The following SLC16A12 variants were observed in gnomAD, a reference collection of about 807,000 sequenced individuals.
The protein encoded by SLC16A12 is monocarboxylate transporter 12.
A neutral mutation model predicts 42.4 loss-of-function variants in SLC16A12; 17 were observed. That is an observed-to-expected ratio of 0.40 (90% CI 0.27 to 0.60). The LOEUF is 0.60. SLC16A12 is among the 20% of genes least tolerant of loss of function. The probability of loss-of-function intolerance (pLI) is 0.42; values close to 1 mark genes in which losing one functional copy is unlikely to be tolerated. For synonymous variants in SLC16A12, 224 were observed against 229.4 expected, an observed-to-expected ratio of 0.98 and a Z score of 0.21; for missense variants, 544 against 623.0, an observed-to-expected ratio of 0.87 and a Z score of 1.35.
chr10:89,488,212 A>G (rs921134491), intron 2 of SLC16A12, among the ~76,000 whole-genome samples: 1 of 152,042 alleles, frequency 6.6e-6, no homozygotes, highest in Non-Finnish European at 1.5e-5. Flanking sequence ...AAACCTGCAC[A>G]TGTATTCCCT....
chr10:89,483,761 A>AAG (rs1842706363), intron 2 of SLC16A12, among the ~76,000 whole-genome samples: 1 of 151,664 alleles, frequency 6.6e-6, no homozygotes, highest in African/African-American at 2.4e-5. Context: ...AAACAAAAAA[A>AAG]AAAAAACGGA....
At chr10:89,487,964 G>GTATATATATATA (rs147234370) in intron 2 of SLC16A12, among the ~76,000 whole-genome samples, 21 of 126,696 alleles carry the variant, frequency 1.7e-4, no homozygotes, top group East Asian at 5.2e-4. Flanking sequence ...TGGTGTGTGT[G>GTATATATATATA]TATATATATA....
chr10:89,482,924 C>T (rs1366771337), intron 2 of SLC16A12, among the ~76,000 whole-genome samples: 3 of 152,160 alleles, frequency 2.0e-5, no homozygotes, highest in South Asian at 2.1e-4. Context: ...GTTGCTTAGC[C>T]GGGCTCCAGG....
At position 89,454,097 on chromosome 10, in the gene SLC16A12, C is replaced by T. The variant is rs531999456; in HGVS notation, c.200+8282G>A. ...TGTGTGTGCAGTGGTGTGATCACTGCAGCCTTGACCTCCCGGGCTCAAGCG... is the reference window on the plus strand; with the variant it reads ...TGTGTGTGCAGTGGTGTGATCACTGTAGCCTTGACCTCCCGGGCTCAAGCG... On this transcript the variant is annotated intron_variant, in intron 3 of 7. Coordinates refer to ENST00000371790, the MANE Select transcript of SLC16A12 (RefSeq NM_213606.4). Among the ~76,000 whole-genome samples the T allele has an allele frequency of 4.0e-4, 61 of 152,166 alleles. No homozygotes were observed. The South Asian group carries it at 0.012, about 31-fold the overall frequency.
chr10:89,449,018 GA>G (rs1361280003), intron 3 of SLC16A12, among the ~76,000 whole-genome samples: 1 of 152,140 alleles, frequency 6.6e-6, no homozygotes, highest in African/African-American at 2.4e-5. Flanking sequence ...TTGCTACAGA[GA>G]GAATAAAATA....
chr10:89,440,674 A>G (rs1322881785), intron 5 of SLC16A12, among the ~76,000 whole-genome samples: 1 of 151,560 alleles, frequency 6.6e-6, no homozygotes, highest in African/African-American at 2.5e-5. Context: ...TTCACAATAA[A>G]GGGTTTTTTA....
chr10:89,555,718 TA>T, intron 2 of SLC16A12, among the ~76,000 whole-genome samples: 1 of 146,906 alleles, frequency 6.8e-6, no homozygotes, highest in East Asian at 2.0e-4. Flanking sequence ...TATATATATA[TA>T]TTCCATGCAG....
intron 3 of SLC16A12, among the ~76,000 whole-genome samples, chr10:89,453,075 T>C (rs988770419): frequency 6.6e-6 from 1 of 152,182 alleles, no homozygotes; most frequent in Non-Finnish European, 1.5e-5. Flanking sequence ...CAAAGGGGTA[T>C]AAAAAGTGGT....
chr10:89,505,862 T>A (rs937066428), intron 2 of SLC16A12, among the ~76,000 whole-genome samples: 2 of 152,154 alleles, frequency 1.3e-5, no homozygotes, highest in Non-Finnish European at 2.9e-5. Flanking sequence ...AGCGCAGCAG[T>A]CTGAGATCGA....
chr10:89,431,003 ATTTT>A lies in SLC16A12; in HGVS notation c.*2057_*2060del. 1 of 254,908 alleles carries A rather than the reference ATTTT, an allele frequency of 3.9e-6. No homozygotes were observed. Among genetic ancestry groups the A allele is most frequent in the Non-Finnish European group, 7.6e-6 (1 of 132,186 alleles). The allele number at this position is 254,908 out of a possible 1,614,324, so 15.8% of individuals were successfully genotyped here. A position where few individuals can be genotyped will look rare whatever the true frequency, so the allele number is the denominator to read the frequency against. On this transcript the variant is annotated 3_prime_UTR_variant, in exon 8 of 8. Transcript: ENST00000371790. ...TTTGACATTTTACAGATACCTTCCA[ATTTT>A]TTTTTTTTGAGATGGAGTCTTGCTC...
chr10:89,499,151 A>T (rs1842961887), intron 2 of SLC16A12, among the ~76,000 whole-genome samples: 1 of 152,246 alleles, frequency 6.6e-6, no homozygotes, highest in South Asian at 2.1e-4. Context: ...CCTGGAAAAT[A>T]ATTCAGAAGG....
At chr10:89,506,213 T>C (rs1267820603) in intron 2 of SLC16A12, among the ~76,000 whole-genome samples, 1 of 152,172 alleles carries the variant, frequency 6.6e-6, no homozygotes, top group Non-Finnish European at 1.5e-5. Flanking sequence ...CAGCAGAGTG[T>C]TCGAGCTCTG....
chr10:89,459,580 G>C (rs1295338319), intron 3 of SLC16A12, among the ~76,000 whole-genome samples: 1 of 149,562 alleles, frequency 6.7e-6, no homozygotes, highest in African/African-American at 2.4e-5. Flanking sequence ...ATGAATGTAT[G>C]CACAGTGACA....
chr10:89,519,751 A>T (rs907590831), intron 2 of SLC16A12, among the ~76,000 whole-genome samples: 3 of 152,132 alleles, frequency 2.0e-5, no homozygotes, highest in Non-Finnish European at 2.9e-5. Flanking sequence ...GGGTCCGAGG[A>T]AAAGAATGTT....
chr10:89,459,471 G>A (rs1159164152), intron 3 of SLC16A12, among the ~76,000 whole-genome samples: 2 of 151,442 alleles, frequency 1.3e-5, no homozygotes, highest in Non-Finnish European at 2.9e-5. Context: ...AGTTTAGGAA[G>A]CTATTTAGTT....
chr10:89,443,765 T>A lies in SLC16A12; in HGVS notation c.295A>T (p.Met99Leu). The stretch of plus-strand genomic sequence containing the variant: ...AGTAAGTAATACTCACCACAGAGCA[T>A]GGTCACACAATCTACAATGGAATGG... ...WIHSIVDCVTMLCAPLGSVVS... is the reference protein window; with the variant it reads ...WIHSIVDCVTLLCAPLGSVVS... The change falls in exon 4 of 8, where the codon ATG (methionine) becomes TTG (leucine). Residue 99 changes from methionine to leucine, a missense_variant. Met to Leu is a conservative substitution (Grantham distance 15). Transcript: ENST00000371790. 1.2e-6 allele frequency: 2 copies of A among 1,612,116 alleles called. No homozygotes were observed. Among genetic ancestry groups the A allele is most frequent in the Non-Finnish European group, 1.7e-6 (2 of 1,178,164 alleles).
chr10:89,465,383 C>T (rs17122097), intron 2 of SLC16A12, among the ~76,000 whole-genome samples: 12,819 of 152,200 alleles, frequency 0.084, 707 homozygotes, highest in East Asian at 0.21. Context: ...TGCAGCCTGA[C>T]GTAGCTATAA....
At chr10:89,473,324 T>C (rs558747351) in intron 2 of SLC16A12, among the ~76,000 whole-genome samples, 2 of 151,908 alleles carry the variant, frequency 1.3e-5, no homozygotes, top group Non-Finnish European at 2.9e-5. Flanking sequence ...TGGAACGGAA[T>C]AGAAAGTTCA....
Position 89,431,876 on chromosome 10 carries a change from G to A in SLC16A12, c.*1188C>T, listed in dbSNP as rs1841700395. The A allele has an allele frequency of 6.6e-6, 1 of 152,178 alleles. No homozygotes were observed. Among genetic ancestry groups the A allele is most frequent in the African/African-American group, 2.4e-5 (1 of 41,436 alleles). 9.4% of individuals were successfully genotyped at this position (152,178 alleles called of 1,614,324 possible). ...AATGAATAAACTTATAATCCAATGA[G>A]TAGATTTCTAATTATTATCTATAAA... On this transcript the variant is annotated 3_prime_UTR_variant, in exon 8 of 8. Coordinates refer to ENST00000371790, the MANE Select transcript of SLC16A12 (RefSeq NM_213606.4).
Sources: allele counts gnomAD v4.1 joint callset (sites outside exome capture counted in the v4.1 genomes callset), GRCh38; gene constraint gnomAD v4.1.1; transcripts MANE v1.5; gene names NCBI Gene and HGNC (gene_info 2026-07-23, HGNC 2026-07-21).